The following NEDD4L variants were observed in gnomAD, a reference collection of about 807,000 sequenced individuals.
The protein encoded by NEDD4L is NEDD4 like E3 ubiquitin protein ligase, also known as E3 ubiquitin-protein ligase NEDD4-like.
NEDD4L carries 54 observed loss-of-function variants against 148.9 expected under a neutral mutation model. The observed-to-expected ratio is 0.36, with a 90% confidence interval of 0.29 to 0.45. The LOEUF is 0.45. Among genes scored for constraint, NEDD4L ranks in the 20% least tolerant of loss-of-function variants. The pLI is 1.00. For missense variants in NEDD4L, 856 were observed against 1,233.8 expected, an observed-to-expected ratio of 0.69 and a Z score of 4.59; for synonymous variants, 433 against 440.7, an observed-to-expected ratio of 0.98 and a Z score of 0.22.
At chr18:58,200,416 T>C (rs1164792807) in intron 2 of NEDD4L, among the ~76,000 whole-genome samples, 15 of 152,208 alleles carry the variant, frequency 9.9e-5, no homozygotes, top group Admixed American at 9.8e-4. Flanking sequence ...GTGACAGCTA[T>C]CACTGCCTCA....
chr18:58,109,929 A>G (rs771782390), intron 1 of NEDD4L, among the ~76,000 whole-genome samples: 4 of 152,148 alleles, frequency 2.6e-5, no homozygotes, highest in Non-Finnish European at 5.9e-5. Flanking sequence ...GGAAGACCAA[A>G]CTGACAGCAG....
chr18:58,077,418 C>T (rs1030432526), intron 1 of NEDD4L, among the ~76,000 whole-genome samples: 7 of 152,114 alleles, frequency 4.6e-5, no homozygotes, highest in African/African-American at 1.4e-4. Flanking sequence ...CTACCCACCT[C>T]GGCCTCCCAA....
intron 1 of NEDD4L, among the ~76,000 whole-genome samples, chr18:58,085,784 T>A (rs1599164846): frequency 6.6e-6 from 1 of 152,234 alleles, no homozygotes; most frequent in Non-Finnish European, 1.5e-5. Flanking sequence ...TTTTTCTCTC[T>A]CTATTAAAAG....
chr18:58,285,463 G>A (rs1454538380), intron 5 of NEDD4L, among the ~76,000 whole-genome samples: 1 of 152,096 alleles, frequency 6.6e-6, no homozygotes, highest in East Asian at 1.9e-4. Context: ...CCAGTAGCTT[G>A]GATTACAGGC....
chr18:58,356,685 A>G (rs2044709386), intron 18 of NEDD4L, among the ~76,000 whole-genome samples: 1 of 152,220 alleles, frequency 6.6e-6, no homozygotes, highest in African/African-American at 2.4e-5. Flanking sequence ...TTGTGTGCAT[A>G]TGAGTGACGC....
At chr18:58,358,178 A>G (rs2044960178) in intron 19 of NEDD4L, among the ~76,000 whole-genome samples, 1 of 152,224 alleles carries the variant, frequency 6.6e-6, no homozygotes, top group African/African-American at 2.4e-5. Context: ...TTAGTAAGAT[A>G]CATCCATTTG....
chr18:58,278,215 T>G (rs2052449428), intron 5 of NEDD4L, among the ~76,000 whole-genome samples: 1 of 152,256 alleles, frequency 6.6e-6, no homozygotes, highest in African/African-American at 2.4e-5. Flanking sequence ...TGCATGCCTT[T>G]CGCAATCAAC....
intron 20 of NEDD4L, 47 bp from the exon 21 acceptor site, chr18:58,365,952 T>C (rs1296036811): frequency 1.5e-6 from 2 of 1,296,438 alleles, no homozygotes; most frequent in Admixed American, 5.0e-5. Flanking sequence ...GAAAACAAAG[T>C]GTGTATTTAC....
chr18:58,086,603 G>A lies in NEDD4L; in HGVS notation c.48+41895G>A, dbSNP rs141397352. 9.0e-3 allele frequency among the ~76,000 whole-genome samples: 1,366 copies of A among 152,260 alleles called. 8 individuals carry two copies. The highest frequency in any genetic ancestry group is 0.027 in the Middle Eastern group (8 of 294). On this transcript the variant is annotated intron_variant, in intron 1 of 30. Transcript: ENST00000400345. ...TCTGATATTTCCACACAGGACAGACGGTAACATGCCCGATACATTTTAAGT... is the reference window on the plus strand; with the variant it reads ...TCTGATATTTCCACACAGGACAGACAGTAACATGCCCGATACATTTTAAGT...
At chr18:58,107,656 C>G (rs2085146051) in intron 1 of NEDD4L, among the ~76,000 whole-genome samples, 1 of 151,694 alleles carries the variant, frequency 6.6e-6, no homozygotes, top group African/African-American at 2.4e-5. Context: ...GAAGTCAAGT[C>G]TGCAGTGAGC....
chr18:58,178,718 G>A (rs1256755073), intron 2 of NEDD4L, among the ~76,000 whole-genome samples: 3 of 152,154 alleles, frequency 2.0e-5, no homozygotes, highest in African/African-American at 7.2e-5. Flanking sequence ...GTGTGCTAAC[G>A]TTCCTTCTGG....
intron 1 of NEDD4L, among the ~76,000 whole-genome samples, chr18:58,071,871 G>C (rs747592777): frequency 2.0e-5 from 3 of 152,166 alleles, no homozygotes. Context: ...GACTTATTCA[G>C]TACCATGAGA....
chr18:58,103,863 A>G (rs917558697), intron 1 of NEDD4L, among the ~76,000 whole-genome samples: 9 of 152,248 alleles, frequency 5.9e-5, no homozygotes, highest in Non-Finnish European at 1.3e-4. Flanking sequence ...GTGGTTGTGA[A>G]GAAAAGAATA....
chr18:58,287,221 A>G (rs572299165), intron 5 of NEDD4L, among the ~76,000 whole-genome samples: 1 of 152,210 alleles, frequency 6.6e-6, no homozygotes, highest in Admixed American at 6.5e-5. Flanking sequence ...GCAGCTCTCA[A>G]CCCAGCACGA....
At chr18:58,150,380 A>G (rs2034571027) in intron 1 of NEDD4L, among the ~76,000 whole-genome samples, 1 of 152,196 alleles carries the variant, frequency 6.6e-6, no homozygotes, top group African/African-American at 2.4e-5. Context: ...GACTACAGGC[A>G]TGCGCCACCA....
At chr18:58,061,982 C>A (rs927422762) in intron 1 of NEDD4L, among the ~76,000 whole-genome samples, 4 of 152,172 alleles carry the variant, frequency 2.6e-5, no homozygotes, top group Non-Finnish European at 5.9e-5. Context: ...TATGTAGCAG[C>A]CTCCCTTGGC....
At chr18:58,201,641 T>G (rs2041421280) in intron 2 of NEDD4L, among the ~76,000 whole-genome samples, 1 of 152,246 alleles carries the variant, frequency 6.6e-6, no homozygotes, top group Non-Finnish European at 1.5e-5. Context: ...ATGTTTATGT[T>G]CTTATTACGT....
At chr18:58,142,213 A>AT (rs146453037) in intron 1 of NEDD4L, among the ~76,000 whole-genome samples, 64 of 132,434 alleles carry the variant, frequency 4.8e-4, no homozygotes, top group Middle Eastern at 7.5e-3. Context: ...CGCCCGGCTA[A>AT]TTTTTTTTTT....
chr18:58,212,973 C>A (rs922186074), intron 2 of NEDD4L, among the ~76,000 whole-genome samples: 6 of 152,002 alleles, frequency 3.9e-5, no homozygotes, highest in Non-Finnish European at 7.4e-5. Context: ...GCTGGCAAAC[C>A]TATGAAAAAT....
Sources: gnomAD v4.1 joint callset for allele counts (sites outside exome capture counted in the v4.1 genomes callset) on GRCh38, gnomAD v4.1.1 for gene constraint, MANE v1.5 for transcripts, NCBI Gene and HGNC (gene_info 2026-07-23, HGNC 2026-07-21) for gene names.